FOXN3: variants seen among roughly 807,000 people sequenced by gnomAD.
The protein encoded by FOXN3 is forkhead box N3, also known as forkhead box protein N3.
In FOXN3, 7 loss-of-function variants were observed where a neutral mutation model predicts 38.4. The observed-to-expected ratio is 0.18, with a 90% CI of 0.10 to 0.34. The LOEUF (loss-of-function observed/expected upper bound fraction) is 0.34. FOXN3 is among the 10% of genes least tolerant of loss of function. FOXN3 has a pLI of 1.00. For synonymous variants in FOXN3, 230 were observed against 242.2 expected (o/e 0.95, Z 0.47); for missense variants, 456 against 613.4 (o/e 0.74, Z 2.71).
At chr14:89,493,445 C>A (rs1444128967) in intron 1 of FOXN3, among the ~76,000 whole-genome samples, 3 of 152,182 alleles carry the variant, frequency 2.0e-5, no homozygotes, top group Non-Finnish European at 4.4e-5. Context: ...TGCAAAGTCA[C>A]ACACTTACAA....
chr14:89,578,094 G>T (rs1555361117), intron 1 of FOXN3, among the ~76,000 whole-genome samples: 1 of 152,058 alleles, frequency 6.6e-6, no homozygotes, highest in Non-Finnish European at 1.5e-5. Context: ...ATATGAAAGG[G>T]AAAAAATGCC....
chr14:89,169,516 C>CACACACACAT (rs1433766272), intron 5 of FOXN3, among the ~76,000 whole-genome samples: 2 of 151,708 alleles, frequency 1.3e-5, no homozygotes, highest in Non-Finnish European at 2.9e-5. Context: ...GTTACACACA[C>CACACACACAT]ACACACACAC....
intron 1 of FOXN3, among the ~76,000 whole-genome samples, chr14:89,434,099 A>G (rs181643065): frequency 7.2e-6 from 1 of 138,066 alleles, no homozygotes; most frequent in Admixed American, 7.5e-5. Context: ...AATTTTAGGT[A>G]TTTTTAGTAG....
chr14:89,406,300 T>C (rs189572340), intron 2 of FOXN3, among the ~76,000 whole-genome samples: 1 of 152,172 alleles, frequency 6.6e-6, no homozygotes, highest in Admixed American at 6.5e-5. Flanking sequence ...TGCACCTGTA[T>C]TCTCAGCTAC....
chr14:89,179,550 A>C (rs2139794114), intron 5 of FOXN3, among the ~76,000 whole-genome samples: 1 of 152,324 alleles, frequency 6.6e-6, no homozygotes, highest in African/African-American at 2.4e-5. Context: ...TAAACAAGCA[A>C]CCAGGACCTG....
At chr14:89,209,673 C>T (rs1888472555) in intron 4 of FOXN3, among the ~76,000 whole-genome samples, 1 of 152,312 alleles carries the variant, frequency 6.6e-6, no homozygotes, top group South Asian at 2.1e-4. Context: ...AACTTACCCA[C>T]TATTCAGAGA....
intron 3 of FOXN3, among the ~76,000 whole-genome samples, chr14:89,315,990 T>C (rs146069087): frequency 6.6e-6 from 1 of 152,268 alleles, no homozygotes; most frequent in African/African-American, 2.4e-5. Context: ...AAACTCCTTG[T>C]TATAAACTAC....
chr14:89,382,988 C>T (rs1192592872), intron 2 of FOXN3, among the ~76,000 whole-genome samples: 4 of 147,894 alleles, frequency 2.7e-5, no homozygotes, highest in African/African-American at 9.9e-5. Context: ...TTGCTCAGAA[C>T]ACTCAAGCAG....
At chr14:89,187,244 G>C (rs1249147541) in intron 4 of FOXN3, among the ~76,000 whole-genome samples, 1 of 152,102 alleles carries the variant, frequency 6.6e-6, no homozygotes, top group African/African-American at 2.4e-5. Context: ...GAAAACAAGG[G>C]GCTATAAATA....
chr14:89,351,496 G>C (rs1375642255), intron 2 of FOXN3, among the ~76,000 whole-genome samples: 2 of 152,166 alleles, frequency 1.3e-5, no homozygotes, highest in Non-Finnish European at 2.9e-5. Context: ...ACTTTAAAAT[G>C]CAAATTTTCT....
At chr14:89,345,870 G>A (rs1036431309) in intron 3 of FOXN3, among the ~76,000 whole-genome samples, 8 of 152,316 alleles carry the variant, frequency 5.3e-5, no homozygotes, top group Admixed American at 3.9e-4. Context: ...TGGCCAAGAT[G>A]GTGAAACCCC....
intron 4 of FOXN3, among the ~76,000 whole-genome samples, chr14:89,256,324 C>G (rs537532382): frequency 6.6e-6 from 1 of 152,272 alleles, no homozygotes; most frequent in South Asian, 2.1e-4. Flanking sequence ...ATGTCACTGG[C>G]AATCAGAGGG....
chr14:89,494,806 C>T (rs946825753), intron 1 of FOXN3, among the ~76,000 whole-genome samples: 3 of 152,196 alleles, frequency 2.0e-5, no homozygotes, highest in Admixed American at 1.3e-4. Context: ...TCATCTGTCC[C>T]CACTTGGTCT....
At chr14:89,248,649 T>G (rs1256277075) in intron 4 of FOXN3, among the ~76,000 whole-genome samples, 1 of 152,266 alleles carries the variant, frequency 6.6e-6, no homozygotes, top group East Asian at 1.9e-4. Context: ...AACTGCCTGC[T>G]TTCACTTGGT....
At chr14:89,418,621 C>T (rs1891822871), upstream of FOXN3, among the ~76,000 whole-genome samples, 1 of 152,078 alleles carries the variant, frequency 6.6e-6, no homozygotes, top group Admixed American at 6.5e-5. Flanking sequence ...TTACTGAGCA[C>T]TTGATGCGAC....
intron 1 of FOXN3, among the ~76,000 whole-genome samples, chr14:89,447,259 C>T (rs568767252): frequency 6.6e-6 from 1 of 152,066 alleles, no homozygotes; most frequent in Non-Finnish European, 1.5e-5. Flanking sequence ...AGGGTATTCC[C>T]GTTGTAATGC....
chr14:89,352,482 T>TAA (rs1889015564), intron 2 of FOXN3, among the ~76,000 whole-genome samples: 1 of 151,880 alleles, frequency 6.6e-6, no homozygotes, highest in South Asian at 2.1e-4. Flanking sequence ...TTGGAAAACA[T>TAA]AAAACAAACC....
At chr14:89,308,589 C>T (rs951340604) in intron 3 of FOXN3, among the ~76,000 whole-genome samples, 64 of 152,178 alleles carry the variant, frequency 4.2e-4, no homozygotes, top group Non-Finnish European at 5.9e-5. Flanking sequence ...AACCCACATC[C>T]GTGGCCACAT....
intron 1 of FOXN3, among the ~76,000 whole-genome samples, chr14:89,443,710 T>C (rs991806216): frequency 6.6e-6 from 1 of 151,928 alleles, no homozygotes; most frequent in Admixed American, 6.6e-5. Flanking sequence ...GGAAAGATGG[T>C]TGCAAAGGTA....
Sources: allele counts gnomAD v4.1 joint callset (sites outside exome capture counted in the v4.1 genomes callset), GRCh38; gene constraint gnomAD v4.1.1; transcripts MANE v1.5; gene names NCBI Gene and HGNC (gene_info 2026-07-23, HGNC 2026-07-21).